The following CLTA variants were observed in gnomAD, a reference collection of about 807,000 sequenced individuals.
CLTA encodes the protein clathrin light chain A.
In CLTA, 9 loss-of-function variants were observed where a neutral mutation model predicts 26.9. That is an observed-to-expected ratio of 0.33 (90% CI 0.20 to 0.58). The LOEUF (loss-of-function observed/expected upper bound fraction) is 0.58, where lower values mean the gene tolerates loss of function less well. Among genes scored for constraint, CLTA ranks in the 20% least tolerant of loss-of-function variants. The pLI is 0.85. For synonymous variants in CLTA, 120 were observed against 115.5 expected, an observed-to-expected ratio of 1.04 and a Z score of -0.25; for missense variants, 278 against 294.2, an observed-to-expected ratio of 0.94 and a Z score of 0.40.
chr9:36,191,518 C>T (rs1826718929), intron 1 of CLTA, among the ~76,000 whole-genome samples: 1 of 152,178 alleles, frequency 6.6e-6, no homozygotes, highest in Admixed American at 6.5e-5. Flanking sequence ...GGGTGGCAGG[C>T]TCCGGAGCCG....
At chr9:36,209,536 T>C (rs1425481229) in intron 4 of CLTA, among the ~76,000 whole-genome samples, 2 of 152,138 alleles carry the variant, frequency 1.3e-5, no homozygotes, top group Admixed American at 6.5e-5. Context: ...TTTTCATATT[T>C]GGGGTTTTGG....
chr9:36,203,990 C>T (rs2132917443), intron 3 of CLTA, 78 bp from the exon 4 acceptor site: 1 of 1,576,136 alleles, frequency 6.3e-7, no homozygotes. Context: ...ACAAGTTCAG[C>T]AAGACCAAAA....
chr9:36,195,418 C>A (rs182974391), intron 1 of CLTA, among the ~76,000 whole-genome samples: 4 of 152,008 alleles, frequency 2.6e-5, no homozygotes, highest in Admixed American at 2.6e-4. Flanking sequence ...AATAGGCAAA[C>A]TCAGAAAATT....
chr9:36,194,129 A>G lies in CLTA; in HGVS notation c.217+2856A>G, dbSNP rs1315657669. 3.3e-5 allele frequency among the ~76,000 whole-genome samples: 5 copies of G among 152,274 alleles called. No individual in the cohort carries two copies. In the South Asian group the frequency reaches 1.0e-3, roughly 32 times the overall value. On this transcript the variant is annotated intron_variant, in intron 1 of 4. Transcript: ENST00000345519. ...CAACCTCCGCCTCCTGGGTTCAAGC[A>G]GTTATCCTGCCTCAGCCTCCCGAGT...
At chr9:36,201,854 G>A (rs1268591989) in intron 3 of CLTA, among the ~76,000 whole-genome samples, 3 of 152,134 alleles carry the variant, frequency 2.0e-5, no homozygotes, top group African/African-American at 7.2e-5. Flanking sequence ...GCTCAGGTCT[G>A]TAATCCCAGC....
At chr9:36,191,433 A>G (rs1826711561) in intron 1 of CLTA, among the ~76,000 whole-genome samples, 160 bp downstream of exon 1, 1 of 152,224 alleles carries the variant, frequency 6.6e-6, no homozygotes, top group Admixed American at 6.5e-5. Flanking sequence ...TCAGAAACCT[A>G]GGCTCGAGAA....
At chr9:36,194,300 T>G (rs1271505530) in intron 1 of CLTA, among the ~76,000 whole-genome samples, 1 of 152,192 alleles carries the variant, frequency 6.6e-6, no homozygotes, top group Non-Finnish European at 1.5e-5. Context: ...GTGCTGGAAT[T>G]ACAGGTGTGA....
rs1020537269 is a variant in CLTA, at chr9:36,197,439, C to T, written c.218-112C>T. On this transcript the variant is annotated intron_variant, in intron 1 of 4. Transcript: ENST00000345519. The stretch of plus-strand genomic sequence containing the variant: ...TATATAGCACCTACCACAGGGATAG[C>T]ATTTAGTAGCTCAAGGTTCATACAG... 4.3e-5 allele frequency: 29 copies of T among 673,524 alleles called. No individual in the cohort carries two copies. In the African/African-American group the frequency reaches 4.8e-4, roughly 11 times the overall value. The allele number at this position is 673,524 out of a possible 1,614,324, so 41.7% of individuals were successfully genotyped here.
chr9:36,201,938 C>CATA (rs1361390916), intron 3 of CLTA, among the ~76,000 whole-genome samples: 3 of 151,446 alleles, frequency 2.0e-5, no homozygotes, highest in Non-Finnish European at 4.4e-5. Flanking sequence ...ATAGTGAGAC[C>CATA]CTATCTCTAC....
At chr9:36,210,722 G>A in intron 4 of CLTA, 1 of 1,599,626 alleles carries the variant, frequency 6.3e-7, no homozygotes, top group Non-Finnish European at 8.6e-7. Context: ...GTGTTGTAGT[G>A]GCTCTGGGCT....
At chr9:36,208,415 G>T (rs1360212211) in intron 4 of CLTA, among the ~76,000 whole-genome samples, 1 of 152,208 alleles carries the variant, frequency 6.6e-6, no homozygotes, top group Non-Finnish European at 1.5e-5. Context: ...AAAGCCAATT[G>T]AGTCTGGTGT....
At chr9:36,208,898 G>A (rs1827876815) in intron 4 of CLTA, among the ~76,000 whole-genome samples, 1 of 152,228 alleles carries the variant, frequency 6.6e-6, no homozygotes, top group Non-Finnish European at 1.5e-5. Context: ...CATCTGTACA[G>A]TGGGGGTGAG....
At chr9:36,197,953 G>A (rs566510590) in intron 2 of CLTA, among the ~76,000 whole-genome samples, 9 of 150,256 alleles carry the variant, frequency 6.0e-5, no homozygotes, top group Admixed American at 1.3e-4. Context: ...AGTTCAGTGA[G>A]TGGCATATGG....
At chr9:36,199,195 T>G in intron 3 of CLTA, 99 bp downstream of exon 3, 1 of 804,630 alleles carries the variant, frequency 1.2e-6, no homozygotes, top group Non-Finnish European at 2.2e-6. Context: ...CCAGTGTCAT[T>G]GTCTGGTCTT....
chr9:36,197,997 CTTTTTTTTTTTT>C (rs11308341), intron 2 of CLTA, among the ~76,000 whole-genome samples: 1 of 104,246 alleles, frequency 9.6e-6, no homozygotes, highest in African/African-American at 3.6e-5. Flanking sequence ...TTATTTGAGT[CTTTTTTTTTTTT>C]TTTTTTTTTG....
rs1587205842 is a variant in CLTA at position 36,195,915 on chromosome 9, C to T, written c.218-1636C>T. On this transcript the variant is annotated intron_variant, in intron 1 of 4. Transcript: ENST00000345519. Reference sequence around the variant, plus strand: ...CCTGGGAGGCGGAGGTTGCAGCAAGCCGAGATCGCGCCAGTGTACTCTAGC... The same window carrying T: ...CCTGGGAGGCGGAGGTTGCAGCAAGTCGAGATCGCGCCAGTGTACTCTAGC... Among the ~76,000 whole-genome samples, 7 of 152,022 alleles carry T rather than the reference C, an allele frequency of 4.6e-5. No individual in the cohort carries two copies. In the South Asian group the frequency reaches 1.2e-3, roughly 27 times the overall value.
intron 1 of CLTA, among the ~76,000 whole-genome samples, chr9:36,192,836 G>A (rs1364188720): frequency 6.6e-6 from 1 of 152,174 alleles, no homozygotes; most frequent in Non-Finnish European, 1.5e-5. Context: ...ATAACAGACA[G>A]GCAGCTGTGG....
At chr9:36,190,892 T>G, upstream of CLTA, 1 of 1,274,164 alleles carries the variant, frequency 7.8e-7, no homozygotes, top group Non-Finnish European at 1.0e-6. Flanking sequence ...CAACACCGCC[T>G]AGACCGACCG....
chr9:36,198,475 G>A (rs1303674187), intron 2 of CLTA, among the ~76,000 whole-genome samples: 6 of 151,124 alleles, frequency 4.0e-5, no homozygotes, highest in Non-Finnish European at 8.9e-5. Context: ...TCAAGAGTTC[G>A]AGACCAGCCT....
Sources: gnomAD v4.1 joint callset for allele counts (sites outside exome capture counted in the v4.1 genomes callset) on GRCh38, gnomAD v4.1.1 for gene constraint, MANE v1.5 for transcripts, NCBI Gene and HGNC (gene_info 2026-07-23, HGNC 2026-07-21) for gene names.